Variants in FRMD4B observed in about 807,000 individuals in gnomAD.
The protein encoded by FRMD4B is FERM domain containing 4B, also known as FERM domain-containing protein 4B.
Under a neutral mutation model 141.5 loss-of-function variants are expected in FRMD4B, and 74 were observed. That is an observed-to-expected ratio of 0.52 (90% CI 0.43 to 0.63). The LOEUF (loss-of-function observed/expected upper bound fraction) is 0.63. Ranked by LOEUF, FRMD4B falls within the 30% of genes least tolerant of loss-of-function variation. The probability of loss-of-function intolerance (pLI) is 0.00; values close to 1 mark genes in which losing one functional copy is unlikely to be tolerated. For missense variants in FRMD4B, 1,366 were observed against 1,253.4 expected, an observed-to-expected ratio of 1.09 and a Z score of -1.36; for synonymous variants, 506 against 467.9, an observed-to-expected ratio of 1.08 and a Z score of -1.05.
intron 2 of FRMD4B, among the ~76,000 whole-genome samples, chr3:69,421,685 A>C (rs564114217): frequency 1.3e-5 from 2 of 152,210 alleles, no homozygotes; most frequent in South Asian, 2.1e-4. Flanking sequence ...TTAAAAATTC[A>C]CTTCCTCAGT....
At chr3:69,514,567 T>C (rs984103157) in intron 1 of FRMD4B, among the ~76,000 whole-genome samples, 6 of 151,944 alleles carry the variant, frequency 3.9e-5, no homozygotes, top group African/African-American at 1.4e-4. Flanking sequence ...GGGCACCTGT[T>C]GTCCCAGCTA....
At chr3:69,398,370 T>A (rs190382175) in intron 2 of FRMD4B, among the ~76,000 whole-genome samples, 21 of 152,340 alleles carry the variant, frequency 1.4e-4, no homozygotes, top group Non-Finnish European at 2.9e-4. Context: ...AGCATATCCA[T>A]CATGTAAAAC....
intron 22 of FRMD4B, 96 bp downstream of exon 22, chr3:69,176,428 C>A: frequency 9.5e-7 from 1 of 1,057,764 alleles, no homozygotes; most frequent in Non-Finnish European, 1.4e-6. Context: ...AGTTTGCCAA[C>A]CCCTGAACTA....
At chr3:69,504,288 C>T (rs889996165) in intron 1 of FRMD4B, among the ~76,000 whole-genome samples, 5 of 152,040 alleles carry the variant, frequency 3.3e-5, no homozygotes, top group Non-Finnish European at 4.4e-5. Context: ...TAAGTAACCC[C>T]GGGATGAATA....
At chr3:69,247,108 T>C (rs2093430544) in intron 7 of FRMD4B, among the ~76,000 whole-genome samples, 2 of 152,286 alleles carry the variant, frequency 1.3e-5, no homozygotes, top group Non-Finnish European at 1.5e-5. Context: ...ATAATGAGGA[T>C]AATAATAACT....
Position 69,182,686 on chromosome 3 carries a change from T to G in FRMD4B, c.1951A>C (p.Lys651Gln). The change falls in exon 20 of 23, where the codon AAA becomes CAA. Residue 651 changes from lysine (K) to glutamine (Q), a missense_variant. Transcript: ENST00000398540. Reference protein sequence around the residue: ...EMLSTHSSPYKTLERRPQGGR... With the variant: ...EMLSTHSSPYQTLERRPQGGR... ...CCCTGGGGCCGCCTCTCCAGAGTTT[T>G]GTAAGGGCTGCTGTGTGTGGACAGC... 6.2e-6 allele frequency: 10 copies of G among 1,613,590 alleles called. No individual in the cohort carries two copies. Among genetic ancestry groups the G allele is most frequent in the Non-Finnish European group, 8.5e-6 (10 of 1,179,634 alleles).
chr3:69,214,883 A>AT (rs60270052), intron 11 of FRMD4B, among the ~76,000 whole-genome samples: 2 of 150,374 alleles, frequency 1.3e-5, no homozygotes, highest in African/African-American at 4.9e-5. Flanking sequence ...ATAATAATGA[A>AT]TTTTTTTTTT....
intron 1 of FRMD4B, among the ~76,000 whole-genome samples, chr3:69,472,951 T>G (rs1204997971): frequency 5.3e-5 from 8 of 149,714 alleles, no homozygotes; most frequent in Admixed American, 5.3e-4. Flanking sequence ...TTTTTTTTTT[T>G]TTGGCTTAGG....
At chr3:69,270,001 T>C (rs1170231739) in intron 5 of FRMD4B, among the ~76,000 whole-genome samples, 1 of 151,992 alleles carries the variant, frequency 6.6e-6, no homozygotes, top group Non-Finnish European at 1.5e-5. Flanking sequence ...TCTTTATCTA[T>C]TTCTTTTTCT....
chr3:69,538,499 A>T (rs960047719), intron 1 of FRMD4B, among the ~76,000 whole-genome samples: 7 of 152,118 alleles, frequency 4.6e-5, no homozygotes, highest in Non-Finnish European at 7.4e-5. Context: ...AGTCTCATGA[A>T]ATTACAGAAC....
At chr3:69,309,304 ATT>A (rs11388064) in intron 3 of FRMD4B, among the ~76,000 whole-genome samples, 1 of 136,780 alleles carries the variant, frequency 7.3e-6, no homozygotes, top group Non-Finnish European at 1.5e-5. Context: ...CTGATTTTTA[ATT>A]TTTTTTTTTT....
intron 1 of FRMD4B, among the ~76,000 whole-genome samples, chr3:69,357,156 A>G (rs1455510189): frequency 6.6e-6 from 1 of 152,188 alleles, no homozygotes; most frequent in Non-Finnish European, 1.5e-5. Flanking sequence ...AGTCGTGAGG[A>G]AATGGATAAT....
intron 1 of FRMD4B, among the ~76,000 whole-genome samples, chr3:69,326,974 C>CA (rs902761079): frequency 2.0e-5 from 3 of 150,810 alleles, no homozygotes; most frequent in African/African-American, 7.3e-5. Context: ...AATAAAAAAA[C>CA]AAAAAAATGG....
intron 1 of FRMD4B, among the ~76,000 whole-genome samples, chr3:69,333,759 G>C (rs1393842565): frequency 3.3e-5 from 5 of 151,904 alleles, no homozygotes; most frequent in Admixed American, 2.6e-4. Context: ...CCATTGTCTT[G>C]TTTGCTTTCC....
At chr3:69,494,557 G>C (rs1706354101) in intron 1 of FRMD4B, among the ~76,000 whole-genome samples, 2 of 152,150 alleles carry the variant, frequency 1.3e-5, no homozygotes, top group Non-Finnish European at 2.9e-5. Flanking sequence ...ACACATGTGG[G>C]AAGAGGGGTG....
At chr3:69,459,656 CA>C (rs1264560418) in intron 1 of FRMD4B, among the ~76,000 whole-genome samples, 1 of 152,182 alleles carries the variant, frequency 6.6e-6, no homozygotes, top group Non-Finnish European at 1.5e-5. Flanking sequence ...TTGGGCAAAA[CA>C]ATGAACCAAT....
chr3:69,483,015 A>G (rs1575586610), intron 1 of FRMD4B, among the ~76,000 whole-genome samples: 2 of 152,230 alleles, frequency 1.3e-5, no homozygotes, highest in Admixed American at 1.3e-4. Flanking sequence ...GAATATCCCA[A>G]TAATGTTCAA....
chr3:69,536,369 C>T (rs1016891745), intron 1 of FRMD4B: 28 of 696,406 alleles, frequency 4.0e-5, no homozygotes, highest in Admixed American at 1.1e-4. Context: ...AGGGGCCTGG[C>T]GAGGAGGCTG....
At chr3:69,370,654 G>A (rs1246770066) in intron 1 of FRMD4B, among the ~76,000 whole-genome samples, 1 of 152,210 alleles carries the variant, frequency 6.6e-6, no homozygotes, top group South Asian at 2.1e-4. Flanking sequence ...CCCACATGAG[G>A]TTTCTAAAGC....
Sources: gnomAD v4.1 joint callset for allele counts (sites outside exome capture counted in the v4.1 genomes callset) on GRCh38, gnomAD v4.1.1 for gene constraint, MANE v1.5 for transcripts, NCBI Gene and HGNC (gene_info 2026-07-23, HGNC 2026-07-21) for gene names.